Variants in CSMD1 observed in about 807,000 individuals in gnomAD.
The protein encoded by CSMD1 is CUB and sushi domain-containing protein 1.
CSMD1 carries 213 observed loss-of-function variants against 417.5 expected under a neutral mutation model. That is an observed-to-expected ratio of 0.51 (90% CI 0.46 to 0.57). The LOEUF (loss-of-function observed/expected upper bound fraction) is 0.57, where lower values mean the gene tolerates loss of function less well. CSMD1 is among the 20% of genes least tolerant of loss of function. The pLI, the probability that CSMD1 is intolerant of heterozygous loss-of-function variation, is 0.00. For synonymous variants in CSMD1, 2,862 were observed against 1,736.8 expected, an observed-to-expected ratio of 1.65 and a Z score of -16.11; for missense variants, 6,923 against 4,529.7, an observed-to-expected ratio of 1.53 and a Z score of -15.17.
intron 25 of CSMD1, among the ~76,000 whole-genome samples, chr8:3,291,764 GT>G (rs548461650): frequency 8.7e-4 from 132 of 151,810 alleles, no homozygotes; most frequent in Middle Eastern, 6.8e-3. Flanking sequence ...TTGTTGATCT[GT>G]CCAAAAAGTC....
At chr8:3,471,449 CTT>C (rs1188595451) in intron 11 of CSMD1, among the ~76,000 whole-genome samples, 1 of 152,122 alleles carries the variant, frequency 6.6e-6, no homozygotes, top group African/African-American at 2.4e-5. Flanking sequence ...AGTTGCAGGG[CTT>C]TCTATATATC....
chr8:4,980,760 C>G (rs1386757969), intron 1 of CSMD1, among the ~76,000 whole-genome samples: 1 of 152,054 alleles, frequency 6.6e-6, no homozygotes, highest in Non-Finnish European at 1.5e-5. Context: ...ACCAAGTGAG[C>G]TGAGTGTGGT....
intron 18 of CSMD1, among the ~76,000 whole-genome samples, chr8:3,385,083 TTA>T (rs1365540868): frequency 2.8e-5 from 3 of 105,688 alleles, no homozygotes; most frequent in Admixed American, 1.4e-4. Context: ...TATATATAAT[TTA>T]TATATAAAAT....
chr8:4,218,959 C>A (rs182468843), intron 3 of CSMD1, among the ~76,000 whole-genome samples: 14 of 152,128 alleles, frequency 9.2e-5, no homozygotes, highest in African/African-American at 3.4e-4. Flanking sequence ...TTTTTTCCAA[C>A]GTATGTCTAA....
intron 1 of CSMD1, among the ~76,000 whole-genome samples, chr8:4,865,677 G>T (rs562945577): frequency 6.6e-6 from 1 of 151,696 alleles, no homozygotes; most frequent in Non-Finnish European, 1.5e-5. Flanking sequence ...ATAATCATTG[G>T]GAGGGGTACT....
chr8:4,292,682 G>C (rs539171062), intron 3 of CSMD1, among the ~76,000 whole-genome samples: 2 of 152,162 alleles, frequency 1.3e-5, no homozygotes, highest in Non-Finnish European at 2.9e-5. Context: ...ATATTCATTA[G>C]AAAAAATGAT....
At chr8:2,941,373 T>C (rs1801862416) in intron 69 of CSMD1, among the ~76,000 whole-genome samples, 1 of 152,250 alleles carries the variant, frequency 6.6e-6, no homozygotes, top group African/African-American at 2.4e-5. Context: ...TTAACCAGAA[T>C]TAAGTGAAAT....
At chr8:4,769,714 C>A (rs1796508748) in intron 1 of CSMD1, among the ~76,000 whole-genome samples, 1 of 152,100 alleles carries the variant, frequency 6.6e-6, no homozygotes, top group Admixed American at 6.5e-5. Flanking sequence ...AGGTGGGAAA[C>A]GAAGTGAAGT....
intron 7 of CSMD1, among the ~76,000 whole-genome samples, chr8:3,643,667 C>G (rs987615625): frequency 7.1e-6 from 1 of 141,774 alleles, no homozygotes; most frequent in Non-Finnish European, 1.5e-5. Flanking sequence ...CGCCACTGCA[C>G]CCCAGCCTGG....
At chr8:3,714,557 ATC>A in intron 6 of CSMD1, among the ~76,000 whole-genome samples, 1 of 128,012 alleles carries the variant, frequency 7.8e-6, no homozygotes, top group East Asian at 2.3e-4. Context: ...CCCCATCTCT[ATC>A]CCAAAAAAAA....
chr8:4,107,509 T>C (rs1164838839), intron 3 of CSMD1, among the ~76,000 whole-genome samples: 1 of 152,212 alleles, frequency 6.6e-6, no homozygotes, highest in Admixed American at 6.5e-5. Flanking sequence ...GAATTCCATG[T>C]CTACAGCACT....
intron 12 of CSMD1, among the ~76,000 whole-genome samples, chr8:3,437,624 C>T (rs1439800480): frequency 6.6e-6 from 1 of 152,172 alleles, no homozygotes; most frequent in East Asian, 1.9e-4. Flanking sequence ...CTCTTCTTTA[C>T]ATAGAAGATG....
chr8:4,221,997 G>C (rs565802150), intron 3 of CSMD1, among the ~76,000 whole-genome samples: 2 of 151,866 alleles, frequency 1.3e-5, no homozygotes, highest in South Asian at 4.2e-4. Flanking sequence ...CCAACGGTCT[G>C]TCCCTACACC....
intron 26 of CSMD1, among the ~76,000 whole-genome samples, chr8:3,257,696 C>G (rs559463105): frequency 6.6e-6 from 1 of 152,086 alleles, no homozygotes; most frequent in Non-Finnish European, 1.5e-5. Context: ...CTATCAAAGA[C>G]CCTAAACGGT....
At chr8:3,364,405 A>T (rs964614987) in intron 20 of CSMD1, among the ~76,000 whole-genome samples, 2 of 152,206 alleles carry the variant, frequency 1.3e-5, no homozygotes, top group Admixed American at 1.3e-4. Context: ...TTATGTTTAA[A>T]TGAATTGTTC....
rs141666019 is a variant in CSMD1, at chr8:4,904,889, C to T, written c.85+89443G>A. ...TTCGGGACTGTATTCATTTATTTTC[C>T]AATGAAAAAGAGCCTGCAAGCACTT... On this transcript the variant is annotated intron_variant, in intron 1 of 69. Coordinates refer to ENST00000635120, the MANE Select transcript of CSMD1 (RefSeq NM_033225.6). Among the ~76,000 whole-genome samples, 1,072 of 152,180 alleles carry T rather than the reference C, an allele frequency of 7.0e-3. 13 individuals are homozygous for T. The highest frequency in any genetic ancestry group is 0.025 in the African/African-American group (1,021 of 41,532).
chr8:3,596,025 G>A (rs1160229607), intron 8 of CSMD1, among the ~76,000 whole-genome samples: 3 of 151,324 alleles, frequency 2.0e-5, no homozygotes, highest in East Asian at 2.0e-4. Context: ...GCTTTGAGGA[G>A]AGCAACGTCA....
chr8:3,095,135 G>GTA (rs1040080199), intron 47 of CSMD1, among the ~76,000 whole-genome samples: 63 of 152,240 alleles, frequency 4.1e-4, no homozygotes, highest in African/African-American at 1.4e-3. Context: ...AGCATGGCCA[G>GTA]TATATTTCAA....
chr8:3,556,341 T>C (rs560026749), intron 10 of CSMD1, among the ~76,000 whole-genome samples: 21 of 147,296 alleles, frequency 1.4e-4, no homozygotes, highest in Admixed American at 6.8e-4. Context: ...ATGAGTTCAA[T>C]TGATTTTATT....
Sources: gnomAD v4.1 joint callset for allele counts (sites outside exome capture counted in the v4.1 genomes callset) on GRCh38, gnomAD v4.1.1 for gene constraint, MANE v1.5 for transcripts, NCBI Gene and HGNC (gene_info 2026-07-23, HGNC 2026-07-21) for gene names.